The following CDH13 variants were observed in gnomAD, a reference collection of about 807,000 sequenced individuals.
CDH13 encodes cadherin 13, also known as cadherin-13.
Under a neutral mutation model 63.8 loss-of-function variants are expected in CDH13, and 24 were observed. That is an observed-to-expected ratio of 0.38 (90% CI 0.27 to 0.53). The LOEUF (loss-of-function observed/expected upper bound fraction) is 0.53, where lower values mean the gene tolerates loss of function less well. Among genes scored for constraint, CDH13 ranks in the 20% least tolerant of loss-of-function variants. The probability of loss-of-function intolerance (pLI) is 0.85; values close to 1 mark genes in which losing one functional copy is unlikely to be tolerated. For missense variants in CDH13, 1,049 were observed against 903.1 expected (o/e 1.16, Z -2.07); for synonymous variants, 503 against 355.3 (o/e 1.42, Z -4.67).
At chr16:82,886,047 C>T (rs1357558312) in intron 2 of CDH13, among the ~76,000 whole-genome samples, 1 of 152,054 alleles carries the variant, frequency 6.6e-6, no homozygotes, top group Admixed American at 6.5e-5. Context: ...ATTATAAATG[C>T]AGTCATAAAT....
chr16:83,660,822 A>G (rs1048151887), intron 8 of CDH13, among the ~76,000 whole-genome samples: 21 of 152,226 alleles, frequency 1.4e-4, no homozygotes, highest in African/African-American at 5.1e-4. Flanking sequence ...ATCTTGTCAG[A>G]TGAACAAATG....
chr16:83,351,573 A>T (rs1305089961), intron 6 of CDH13, among the ~76,000 whole-genome samples: 1 of 152,162 alleles, frequency 6.6e-6, no homozygotes, highest in Non-Finnish European at 1.5e-5. Flanking sequence ...ATCAAGCAAC[A>T]TCATTGTTTC....
chr16:83,591,710 C>G (rs925788375), intron 7 of CDH13, among the ~76,000 whole-genome samples: 6 of 152,320 alleles, frequency 3.9e-5, no homozygotes, highest in Non-Finnish European at 8.8e-5. Context: ...CACCGAAGCA[C>G]TCCCAGTTAG....
chr16:82,711,447 C>G (rs892551639), intron 1 of CDH13, among the ~76,000 whole-genome samples: 3 of 152,174 alleles, frequency 2.0e-5, no homozygotes, highest in African/African-American at 7.2e-5. Context: ...AGCTTGGACT[C>G]TGGCCCTTCA....
intron 3 of CDH13, among the ~76,000 whole-genome samples, chr16:83,039,424 C>T (rs993813351): frequency 2.0e-5 from 3 of 152,202 alleles, no homozygotes; most frequent in Admixed American, 6.5e-5. Context: ...CTGTCACCCT[C>T]GCCTCTTGTC....
intron 4 of CDH13, among the ~76,000 whole-genome samples, chr16:83,144,474 G>A (rs530310576): frequency 1.3e-5 from 2 of 152,296 alleles, no homozygotes; most frequent in African/African-American, 4.8e-5. Flanking sequence ...GGGAACACAT[G>A]ATCAGCAATA....
chr16:83,783,417 G>T lies in CDH13; in HGVS notation c.2079G>T (p.Gly693=). ...RNSKVDCNAA[G]ALRFSLPSVL... ...CCAAAGTGGACTGCAACGCGGCAGG[G>T]GCCCTGCGCTTCAGCCTGCCCTCAG... The change falls in exon 13 of 14, where the codon GGG becomes GGT. Residue 693 remains glycine, a synonymous_variant. Transcript: ENST00000567109. The T allele has an allele frequency of 1.2e-6, 2 of 1,613,960 alleles. No individual in the cohort carries two copies. Among genetic ancestry groups the T allele is most frequent in the South Asian group, 2.2e-5 (2 of 91,080 alleles).
intron 1 of CDH13, among the ~76,000 whole-genome samples, chr16:82,756,820 G>A (rs537367621): frequency 1.6e-3 from 241 of 152,232 alleles, no homozygotes; most frequent in African/African-American, 5.7e-3. Context: ...TGATGAGAGA[G>A]ACAGACTGTC....
At chr16:82,674,418 G>A (rs1162464417) in intron 1 of CDH13, among the ~76,000 whole-genome samples, 2 of 152,144 alleles carry the variant, frequency 1.3e-5, no homozygotes, top group Non-Finnish European at 2.9e-5. Flanking sequence ...GCAAATGAAG[G>A]GGCATGAGAA....
intron 2 of CDH13, among the ~76,000 whole-genome samples, chr16:82,973,277 C>T (rs941200104): frequency 6.6e-6 from 1 of 152,172 alleles, no homozygotes; most frequent in Non-Finnish European, 1.5e-5. Flanking sequence ...CGGTCTGCAT[C>T]CCTCCTCTTT....
chr16:82,751,044 C>T (rs774495705), intron 1 of CDH13, among the ~76,000 whole-genome samples: 1 of 152,224 alleles, frequency 6.6e-6, no homozygotes, highest in African/African-American at 2.4e-5. Flanking sequence ...CTACCATCCT[C>T]CTCCTTCCTG....
chr16:83,115,000 A>G (rs770910173), intron 3 of CDH13, among the ~76,000 whole-genome samples: 5 of 152,222 alleles, frequency 3.3e-5, no homozygotes, highest in African/African-American at 9.6e-5. Context: ...CCTGCAGTAT[A>G]GGTAGCTCCT....
At chr16:83,177,005 G>C (rs780961203) in intron 4 of CDH13, among the ~76,000 whole-genome samples, 7 of 152,144 alleles carry the variant, frequency 4.6e-5, no homozygotes, top group Admixed American at 3.3e-4. Context: ...CCATCCACTG[G>C]AGCTTGCTGT....
chr16:83,231,282 T>C (rs1055298530), intron 5 of CDH13, among the ~76,000 whole-genome samples: 1 of 152,192 alleles, frequency 6.6e-6, no homozygotes, highest in African/African-American at 2.4e-5. Context: ...GAGAGTTGCC[T>C]TCCTACTGAA....
intron 6 of CDH13, among the ~76,000 whole-genome samples, chr16:83,396,921 A>G (rs548157328): frequency 7.2e-4 from 109 of 152,318 alleles, no homozygotes; most frequent in African/African-American, 2.5e-3. Flanking sequence ...TCATTGTCCC[A>G]GGTTCCAGTT....
At chr16:82,946,512 G>A (rs978880609) in intron 2 of CDH13, among the ~76,000 whole-genome samples, 4 of 152,152 alleles carry the variant, frequency 2.6e-5, no homozygotes, top group South Asian at 2.1e-4. Flanking sequence ...TTGAGGCCAG[G>A]GAGTTCAAGA....
intron 1 of CDH13, among the ~76,000 whole-genome samples, chr16:82,818,948 C>T (rs2037863704): frequency 6.6e-6 from 1 of 152,174 alleles, no homozygotes; most frequent in Non-Finnish European, 1.5e-5. Flanking sequence ...CCTCTGAGTG[C>T]TTTTTGAGGA....
chr16:83,009,859 T>A (rs1913941379), intron 2 of CDH13, among the ~76,000 whole-genome samples: 1 of 151,764 alleles, frequency 6.6e-6, no homozygotes, highest in Non-Finnish European at 1.5e-5. Flanking sequence ...TCAGGCCGGG[T>A]GCAGTGGCTC....
chr16:83,685,419 A>AT (rs1904296968), intron 10 of CDH13, among the ~76,000 whole-genome samples: 2 of 152,194 alleles, frequency 1.3e-5, no homozygotes, highest in Non-Finnish European at 2.9e-5. Flanking sequence ...TAATCAAAAT[A>AT]ATAGATGATG....
Sources: gnomAD v4.1 joint callset for allele counts (sites outside exome capture counted in the v4.1 genomes callset) on GRCh38, gnomAD v4.1.1 for gene constraint, MANE v1.5 for transcripts, NCBI Gene and HGNC (gene_info 2026-07-23, HGNC 2026-07-21) for gene names.